Variants in GAB2 observed in about 807,000 individuals in gnomAD.
GAB2 encodes GRB2 associated binding protein 2.
GAB2 carries 26 observed loss-of-function variants against 65.5 expected under a neutral mutation model. That is an observed-to-expected ratio of 0.40 (90% CI 0.29 to 0.55). The LOEUF is 0.55. GAB2 is among the 20% of genes least tolerant of loss of function. The pLI is 0.53. For missense variants in GAB2, 884 were observed against 875.8 expected (o/e 1.01, Z -0.12); for synonymous variants, 321 against 329.6 (o/e 0.97, Z 0.28).
intron 1 of GAB2, among the ~76,000 whole-genome samples, chr11:78,384,142 C>A (rs1160233791): frequency 6.6e-6 from 1 of 152,212 alleles, no homozygotes; most frequent in Non-Finnish European, 1.5e-5. Flanking sequence ...AAACCTGATG[C>A]ACCTCAAAGG....
intron 1 of GAB2, among the ~76,000 whole-genome samples, chr11:78,369,772 G>A (rs1856542979): frequency 6.6e-6 from 1 of 152,132 alleles, no homozygotes; most frequent in Non-Finnish European, 1.5e-5. Flanking sequence ...AATTACAGTA[G>A]TATACTCGGA....
intron 9 of GAB2, among the ~76,000 whole-genome samples, chr11:78,220,106 T>G (rs532653687): frequency 1.3e-5 from 2 of 152,320 alleles, no homozygotes; most frequent in Non-Finnish European, 2.9e-5. Context: ...GATGAGGTTC[T>G]CTGACTGAGG....
chr11:78,283,410 C>T (rs1230333223), intron 1 of GAB2, among the ~76,000 whole-genome samples: 3 of 152,222 alleles, frequency 2.0e-5, no homozygotes, highest in African/African-American at 7.2e-5. Flanking sequence ...CCCATCAAGA[C>T]ATCAACGTTT....
intron 1 of GAB2, among the ~76,000 whole-genome samples, chr11:78,372,665 G>A (rs1367184664): frequency 6.6e-6 from 1 of 152,158 alleles, no homozygotes; most frequent in Non-Finnish European, 1.5e-5. Flanking sequence ...TGGGTAGAAA[G>A]TCCAACAATC....
chr11:78,363,015 A>G (rs1164679994), intron 1 of GAB2, among the ~76,000 whole-genome samples: 1 of 152,232 alleles, frequency 6.6e-6, no homozygotes, highest in Non-Finnish European at 1.5e-5. Context: ...AGTCCATTAC[A>G]TAATGGGAGA....
chr11:78,262,306 A>G (rs1376279273), intron 2 of GAB2, among the ~76,000 whole-genome samples: 2 of 152,252 alleles, frequency 1.3e-5, no homozygotes, highest in Non-Finnish European at 2.9e-5. Flanking sequence ...CCTGAATCCA[A>G]GAGTTCTAAT....
chr11:78,286,765 A>G (rs1413702535), intron 1 of GAB2, among the ~76,000 whole-genome samples: 4 of 152,220 alleles, frequency 2.6e-5, no homozygotes, highest in Admixed American at 6.5e-5. Context: ...CTTCATTCTG[A>G]TAAGTGCAGT....
intron 1 of GAB2, among the ~76,000 whole-genome samples, chr11:78,325,851 G>C (rs1347729896): frequency 6.6e-6 from 1 of 152,120 alleles, no homozygotes; most frequent in Non-Finnish European, 1.5e-5. Flanking sequence ...AAATTCACCA[G>C]AGTCTATTCC....
intron 3 of GAB2, among the ~76,000 whole-genome samples, chr11:78,240,452 G>A (rs1258599220): frequency 6.6e-6 from 1 of 152,130 alleles, no homozygotes; most frequent in Non-Finnish European, 1.5e-5. Context: ...AACAACTCTA[G>A]TGCCTTGCTT....
intron 1 of GAB2, among the ~76,000 whole-genome samples, chr11:78,403,903 CT>C (rs1036825158): frequency 6.6e-6 from 1 of 151,330 alleles, no homozygotes; most frequent in Non-Finnish European, 1.5e-5. Context: ...GCATTCAGTT[CT>C]TTTTTTTTGT....
intron 1 of GAB2, among the ~76,000 whole-genome samples, chr11:78,355,668 C>A (rs1856347327): frequency 7.5e-6 from 1 of 133,812 alleles, no homozygotes; most frequent in South Asian, 2.4e-4. Flanking sequence ...CAGAGAGAGA[C>A]CCTGTCTCAC....
intron 1 of GAB2, among the ~76,000 whole-genome samples, chr11:78,361,408 C>G (rs1344128167): frequency 2.0e-5 from 3 of 151,916 alleles, no homozygotes; most frequent in Non-Finnish European, 4.4e-5. Context: ...AACACGGACA[C>G]ACCCCCCCAC....
intron 1 of GAB2, among the ~76,000 whole-genome samples, chr11:78,310,381 T>C (rs1384818175): frequency 2.7e-5 from 4 of 146,186 alleles, no homozygotes; most frequent in South Asian, 2.2e-4. Context: ...GGCACGGTGG[T>C]GGGCGCCTGT....
chr11:78,231,795 G>A (rs1006261713), intron 3 of GAB2: 1 of 152,148 alleles, frequency 6.6e-6, no homozygotes, highest in Non-Finnish European at 1.5e-5. Flanking sequence ...GAACCCTAAT[G>A]ATGAAGGACT....
chr11:78,295,220 G>C (rs1214672824), intron 1 of GAB2, among the ~76,000 whole-genome samples: 1 of 152,140 alleles, frequency 6.6e-6, no homozygotes, highest in Admixed American at 6.5e-5. Context: ...GGCGAAATGT[G>C]AGTCTTAACC....
chr11:78,253,434 G>A (rs753786184), intron 2 of GAB2, among the ~76,000 whole-genome samples: 6 of 152,100 alleles, frequency 3.9e-5, no homozygotes, highest in Non-Finnish European at 8.8e-5. Context: ...CAGGAATACA[G>A]GCATGCACCA....
intron 1 of GAB2, among the ~76,000 whole-genome samples, chr11:78,343,158 C>G (rs1226481975): frequency 2.0e-5 from 3 of 152,084 alleles, no homozygotes; most frequent in Non-Finnish European, 4.4e-5. Context: ...AATTCATAAT[C>G]TGAACAGTTT....
At chr11:78,265,915 AC>A (rs1471987732) in intron 2 of GAB2, among the ~76,000 whole-genome samples, 1 of 152,156 alleles carries the variant, frequency 6.6e-6, no homozygotes, top group Non-Finnish European at 1.5e-5. Context: ...ATAACCAAAC[AC>A]TGTAACTAAA....
chr11:78,386,525 T>C (rs1221595404), intron 1 of GAB2, among the ~76,000 whole-genome samples: 1 of 152,238 alleles, frequency 6.6e-6, no homozygotes, highest in African/African-American at 2.4e-5. Context: ...TTATGTGCAC[T>C]GGATGGAGGC....
Sources: allele counts gnomAD v4.1 joint callset (sites outside exome capture counted in the v4.1 genomes callset), GRCh38; gene constraint gnomAD v4.1.1; transcripts MANE v1.5; gene names NCBI Gene and HGNC (gene_info 2026-07-23, HGNC 2026-07-21).